The following WSB2 variants were observed in gnomAD, a reference collection of about 807,000 sequenced individuals.
The protein encoded by WSB2 is WD repeat and SOCS box containing 2.
A neutral mutation model predicts 48.8 loss-of-function variants in WSB2; 12 were observed. That is an observed-to-expected ratio of 0.25 (90% confidence interval 0.16 to 0.40). The LOEUF is 0.40. Ranked by LOEUF, WSB2 falls within the 10% of genes least tolerant of loss-of-function variation. The pLI is 1.00. For synonymous variants in WSB2, 191 were observed against 203.1 expected (o/e 0.94, Z 0.51); for missense variants, 317 against 506.2 (o/e 0.63, Z 3.59).
At chr12:118,046,832 T>C (rs959610493) in intron 2 of WSB2, among the ~76,000 whole-genome samples, 2 of 152,194 alleles carry the variant, frequency 1.3e-5, no homozygotes, top group South Asian at 2.1e-4. Context: ...AGTGCAGTGG[T>C]GTGACCATAG....
intron 4 of WSB2, 147 bp from the exon 5 acceptor site, chr12:118,038,535 G>A: frequency 3.2e-6 from 2 of 633,950 alleles, no homozygotes; most frequent in Non-Finnish European, 5.5e-6. Context: ...TTTTAATTCA[G>A]AGTAAGAAAT....
rs765435275 is a variant in WSB2 at position 118,043,266 on chromosome 12, G to A, written c.294C>T (p.Ala98=). The A allele has an allele frequency of 4.3e-6, 7 of 1,614,224 alleles. 1 individual carries two copies. In the South Asian group the frequency reaches 7.7e-5, roughly 18 times the overall value. The change falls in exon 3 of 9, where the codon GCC becomes GCT. Residue 98 remains alanine, a synonymous_variant. Coordinates refer to ENST00000315436, the MANE Select transcript of WSB2 (RefSeq NM_018639.5). ...TGGGTGGGGAAGGCCACGGGCTGAA[G>A]GCCAGCCCCCAGACAATCTGACCAC... is the stretch of plus-strand genomic sequence containing the variant. ...LDCGQIVWGL[A]FSPWPSPPSR...
At chr12:118,040,516 T>A (rs2031613973) in intron 4 of WSB2, among the ~76,000 whole-genome samples, 1 of 152,096 alleles carries the variant, frequency 6.6e-6, no homozygotes, top group Non-Finnish European at 1.5e-5. Flanking sequence ...ATCCCAGCAC[T>A]TTGGGAGGCC....
Position 118,043,377 on chromosome 12 carries a change from G to C in WSB2, c.183C>G (p.Phe61Leu). 1.3e-6 allele frequency: 2 copies of C among 1,535,250 alleles called. No individual in the cohort carries two copies. The highest frequency in any genetic ancestry group is 1.7e-6 in the Non-Finnish European group (2 of 1,144,524). ...TTTTGGCTTCAAACCCTTTAGGGATGCTGGGAGAAGCAGAGATTTCTTAAT... is the reference window on the plus strand; with the variant it reads ...TTTTGGCTTCAAACCCTTTAGGGATCCTGGGAGAAGCAGAGATTTCTTAAT... ...KLIPWPLEEQ[F>L]IPKGFEAKSR... Residue 61 changes from phenylalanine to leucine, a missense_variant and splice_region_variant, in exon 3 of 9, where the codon TTC (phenylalanine) becomes TTG (leucine). Physicochemically the swap from Phe to Leu is conservative, Grantham distance 22 (BLOSUM62 0). Around this residue, in one of 2 missense-constraint regions of WSB2, gnomAD observed 128 missense variants for 156.7 expected, o/e 0.82. Coordinates refer to ENST00000315436, the MANE Select transcript of WSB2 (RefSeq NM_018639.5).
chr12:118,035,178 G>T, intron 7 of WSB2, 36 bp downstream of exon 7: 1 of 1,613,400 alleles, frequency 6.2e-7, no homozygotes, highest in Middle Eastern at 1.6e-4. Context: ...GCAAGCACTT[G>T]TTCTGAGGCC....
intron 1 of WSB2, among the ~76,000 whole-genome samples, chr12:118,055,250 T>C (rs2031934037): frequency 6.6e-6 from 1 of 152,174 alleles, no homozygotes; most frequent in African/African-American, 2.4e-5. Flanking sequence ...TTGTCACAAC[T>C]GGAGTTGCTA....
rs914530500 is a variant in WSB2, at chr12:118,033,277, A to G, written c.*919T>C. On this transcript the variant is annotated 3_prime_UTR_variant, in exon 9 of 9. Transcript: ENST00000315436. ...TAAACAGCAGAGACAGATCTCGTAC[A>G]TAAGAGTATCAGCTAAAGTCATGAC... The G allele has an allele frequency of 5.2e-5, 8 of 152,576 alleles. No individual in the cohort carries two copies. Among genetic ancestry groups the G allele is most frequent in the African/African-American group, 1.7e-4 (7 of 41,444 alleles). The allele number at this position is 152,576 out of a possible 1,614,324, so 9.5% of individuals were successfully genotyped here.
chr12:118,034,928 G>C (rs2137759541), intron 8 of WSB2, 58 bp downstream of exon 8: 1 of 1,511,266 alleles, frequency 6.6e-7, no homozygotes, highest in Admixed American at 1.9e-5. Context: ...TCCTTAAAAA[G>C]CTCCATGGTA....
In WSB2 at chr12:118,034,117, T is replaced by G. The variant is rs1490108626; in HGVS notation, c.*79A>C. 1 of 1,559,388 alleles carries G rather than the reference T, an allele frequency of 6.4e-7. No homozygotes were observed. Among genetic ancestry groups the G allele is most frequent in the Non-Finnish European group, 8.8e-7 (1 of 1,135,936 alleles). Reference sequence around the variant, plus strand: ...AATGCTATTTCAATGCAAGACCAGATGTTTGGCCCATTATTCCAGCAACTC... The same window carrying G: ...AATGCTATTTCAATGCAAGACCAGAGGTTTGGCCCATTATTCCAGCAACTC... On this transcript the variant is annotated 3_prime_UTR_variant, in exon 9 of 9. Coordinates refer to ENST00000315436, the MANE Select transcript of WSB2 (RefSeq NM_018639.5).
intron 8 of WSB2, 172 bp from the exon 9 acceptor site, chr12:118,034,530 G>A (rs1014600346): frequency 4.1e-6 from 3 of 730,260 alleles, no homozygotes; most frequent in Non-Finnish European, 6.4e-6. Context: ...AATTAAAGCT[G>A]CTGATAGGAT....
chr12:118,040,796 C>G (rs1269980808), intron 4 of WSB2, among the ~76,000 whole-genome samples: 1 of 152,138 alleles, frequency 6.6e-6, no homozygotes, highest in Non-Finnish European at 1.5e-5. Context: ...GCCTGTAATC[C>G]CAGCACTTTA....
intron 6 of WSB2, chr12:118,035,857 C>G (rs1345068097): frequency 6.1e-6 from 1 of 163,790 alleles, no homozygotes; most frequent in Non-Finnish European, 1.3e-5. Flanking sequence ...AATCAGGAGA[C>G]TGGAAGACAC....
intron 4 of WSB2, among the ~76,000 whole-genome samples, chr12:118,039,860 C>T (rs534530320): frequency 6.6e-6 from 1 of 151,928 alleles, no homozygotes; most frequent in Non-Finnish European, 1.5e-5. Flanking sequence ...TCTCCTGCCT[C>T]AGCCTCCCGA....
At chr12:118,042,604 T>C (rs1395527405) in intron 4 of WSB2, 2 of 508,516 alleles carry the variant, frequency 3.9e-6, no homozygotes, top group South Asian at 2.6e-5. Flanking sequence ...ATCTTCGATA[T>C]TAAAATAGCC....
intron 1 of WSB2, 153 bp from the exon 2 acceptor site, chr12:118,052,631 C>A: frequency 8.9e-7 from 1 of 1,128,178 alleles, no homozygotes; most frequent in South Asian, 1.5e-5. Flanking sequence ...TAACAGCAGC[C>A]ACAGGCCACA....
chr12:118,055,595 C>CTCTACATT (rs2031941278), intron 1 of WSB2, among the ~76,000 whole-genome samples: 2 of 148,234 alleles, frequency 1.3e-5, no homozygotes, highest in Non-Finnish European at 3.0e-5. Context: ...GGTTCACTTC[C>CTCTACATT]TCTACATTAT....
At chr12:118,051,387 A>G (rs1158407279) in intron 2 of WSB2, among the ~76,000 whole-genome samples, 1 of 152,254 alleles carries the variant, frequency 6.6e-6, no homozygotes, top group Admixed American at 6.5e-5. Flanking sequence ...ATGTCCATCA[A>G]CTGATAAATG....
intron 2 of WSB2, among the ~76,000 whole-genome samples, chr12:118,043,956 A>C (rs1368528516): frequency 6.8e-6 from 1 of 147,364 alleles, no homozygotes; most frequent in Non-Finnish European, 1.5e-5. Flanking sequence ...ATCTCTACTA[A>C]AAAAAAAAAA....
chr12:118,059,283 G>T (rs1334655468), intron 1 of WSB2, among the ~76,000 whole-genome samples: 2 of 152,096 alleles, frequency 1.3e-5, no homozygotes, highest in African/African-American at 4.8e-5. Flanking sequence ...TGTATTGAAA[G>T]AGTTTTTAAA....
Sources: allele counts gnomAD v4.1 joint callset (sites outside exome capture counted in the v4.1 genomes callset), GRCh38; gene constraint gnomAD v4.1.1; regional missense constraint gnomAD v4.1.1; transcripts MANE v1.5; gene names NCBI Gene and HGNC (gene_info 2026-07-23, HGNC 2026-07-21).